Variants in RASGRF2 observed in about 807,000 individuals in gnomAD.
RASGRF2 encodes ras-specific guanine nucleotide-releasing factor 2.
A neutral mutation model predicts 151.0 loss-of-function variants in RASGRF2; 76 were observed. The ratio of observed to expected loss-of-function variants is 0.50; its 90% CI spans 0.42 to 0.61. The LOEUF (loss-of-function observed/expected upper bound fraction) is 0.61, where lower values mean the gene tolerates loss of function less well. Among genes scored for constraint, RASGRF2 ranks in the 20% least tolerant of loss-of-function variants. The probability of loss-of-function intolerance (pLI) is 0.00; values close to 1 mark genes in which losing one functional copy is unlikely to be tolerated. For synonymous variants in RASGRF2, 504 were observed against 566.5 expected, an observed-to-expected ratio of 0.89 and a Z score of 1.57; for missense variants, 1,148 against 1,564.6, an observed-to-expected ratio of 0.73 and a Z score of 4.49.
chr5:81,089,094 A>C (rs1331055312), intron 9 of RASGRF2, among the ~76,000 whole-genome samples: 1 of 152,256 alleles, frequency 6.6e-6, no homozygotes, highest in Non-Finnish European at 1.5e-5. Flanking sequence ...GAAATTAGGA[A>C]GTAATACAAT....
rs1022712085 is a variant in RASGRF2, at chr5:81,069,069, G to A, written c.543+890G>A. On this transcript the variant is annotated intron_variant, in intron 3 of 26. Transcript: ENST00000265080. ...TCATTGACAGAAACAGTTTAGGCTT[G>A]TCAGTTTTGGCAATGTTCTTGTCAT... Among the ~76,000 whole-genome samples the A allele has an allele frequency of 3.3e-4, 50 of 152,328 alleles. 1 individual carries two copies. Among genetic ancestry groups the A allele is most frequent in the African/African-American group, 1.0e-3 (42 of 41,576 alleles).
Position 81,201,384 on chromosome 5 carries a change from G to T in RASGRF2, c.2848G>T (p.Val950Phe), listed in dbSNP as rs1314094507. Residue 950 changes from valine (V) to phenylalanine (F), a missense_variant, in exon 19 of 27, where the codon GTT becomes TTT. Transcript: ENST00000265080. ...KMNVLNLLEE[V>F]LRDPDLLPQE... ...GAATGTCCTAAATTTGCTAGAAGAA[G>T]TTTTGCGAGACCCAGACCTTCTTCC... is the stretch of plus-strand genomic sequence containing the variant. 6.2e-7 allele frequency: 1 copy of T among 1,613,944 alleles called. No homozygotes were observed. Among genetic ancestry groups the T allele is most frequent in the Admixed American group, 1.7e-5 (1 of 59,966 alleles).
At chr5:81,018,801 A>G (rs1580210121) in intron 1 of RASGRF2, among the ~76,000 whole-genome samples, 1 of 123,318 alleles carries the variant, frequency 8.1e-6, no homozygotes, top group African/African-American at 3.3e-5. Flanking sequence ...GTCCATCTGC[A>G]CTTTTTTTTT....
At chr5:81,222,011 G>T (rs1755867035) in intron 26 of RASGRF2, among the ~76,000 whole-genome samples, 1 of 152,106 alleles carries the variant, frequency 6.6e-6, no homozygotes, top group South Asian at 2.1e-4. Context: ...GAAAAAAGAT[G>T]CTCTAGACTC....
chr5:80,976,152 A>G (rs1748107802), intron 1 of RASGRF2, among the ~76,000 whole-genome samples: 1 of 152,168 alleles, frequency 6.6e-6, no homozygotes, highest in African/African-American at 2.4e-5. Flanking sequence ...TAAAGCAATC[A>G]TCTTTCTGTA....
At chr5:81,069,650 T>C (rs1751714715) in intron 3 of RASGRF2, among the ~76,000 whole-genome samples, 1 of 152,252 alleles carries the variant, frequency 6.6e-6, no homozygotes, top group South Asian at 2.1e-4. Context: ...ATAATTTATT[T>C]CCTACTCCCT....
intron 1 of RASGRF2, among the ~76,000 whole-genome samples, chr5:80,964,768 G>T (rs990371384): frequency 1.3e-5 from 2 of 152,028 alleles, no homozygotes; most frequent in Admixed American, 6.6e-5. Flanking sequence ...AAAGAAAAAC[G>T]GGATTTATTT....
intron 1 of RASGRF2, among the ~76,000 whole-genome samples, chr5:81,028,716 T>A (rs1750126528): frequency 6.6e-6 from 1 of 152,192 alleles, no homozygotes; most frequent in African/African-American, 2.4e-5. Context: ...ACAGCTGCAG[T>A]CTACAGCTCC....
chr5:81,032,994 A>G (rs1347313953), intron 1 of RASGRF2, among the ~76,000 whole-genome samples: 3 of 152,190 alleles, frequency 2.0e-5, no homozygotes, highest in Non-Finnish European at 2.9e-5. Context: ...GCATTCCTAT[A>G]CACCAATAAC....
intron 1 of RASGRF2, among the ~76,000 whole-genome samples, chr5:81,019,005 G>A (rs960515853): frequency 1.3e-5 from 2 of 151,450 alleles, no homozygotes; most frequent in African/African-American, 2.4e-5. Flanking sequence ...TCGCCTTGTT[G>A]GCCAGGCTGG....
At chr5:81,101,236 C>T (rs919285763) in intron 12 of RASGRF2, among the ~76,000 whole-genome samples, 1 of 152,190 alleles carries the variant, frequency 6.6e-6, no homozygotes, top group Non-Finnish European at 1.5e-5. Context: ...TGTATACAGG[C>T]ACCACTTCTT....
chr5:81,048,864 T>C (rs1188262960), intron 2 of RASGRF2, among the ~76,000 whole-genome samples: 1 of 152,182 alleles, frequency 6.6e-6, no homozygotes, highest in African/African-American at 2.4e-5. Flanking sequence ...AAATCTCTCC[T>C]GTCTTGTAAG....
intron 18 of RASGRF2, among the ~76,000 whole-genome samples, chr5:81,186,449 G>A (rs186093507): frequency 7.9e-5 from 12 of 152,106 alleles, no homozygotes; most frequent in East Asian, 1.9e-4. Flanking sequence ...AATGATATTC[G>A]TTTCTCTCAA....
In RASGRF2 at chr5:81,216,380, CACACAA is replaced by C. The variant is rs1209502245; in HGVS notation, c.3434+431_3434+436del. 4.8e-5 allele frequency among the ~76,000 whole-genome samples: 7 copies of C among 145,684 alleles called. No individual in the cohort carries two copies. The East Asian group carries it at 1.2e-3, about 24-fold the overall frequency. On this transcript the variant is annotated intron_variant, in intron 24 of 26. Coordinates refer to ENST00000265080, the MANE Select transcript of RASGRF2 (RefSeq NM_006909.3). ...ACACACACACACACGCACACACACACACACAAACACACACACACGCAGAGAGAGAGA... is the reference window on the plus strand; with the variant it reads ...ACACACACACACACGCACACACACACACACACACACACGCAGAGAGAGAGA...
At chr5:81,131,639 G>A (rs1243989198) in intron 17 of RASGRF2, among the ~76,000 whole-genome samples, 4 of 151,338 alleles carry the variant, frequency 2.6e-5, no homozygotes, top group African/African-American at 9.7e-5. Context: ...ACAGGTGTGA[G>A]CCACTGCGCC....
chr5:80,976,175 A>G (rs951427931), intron 1 of RASGRF2, among the ~76,000 whole-genome samples: 1 of 152,184 alleles, frequency 6.6e-6, no homozygotes, highest in African/African-American at 2.4e-5. Flanking sequence ...CCTGTAGTAT[A>G]CTAACTTGTT....
chr5:81,030,722 C>T (rs1580226629), intron 1 of RASGRF2, among the ~76,000 whole-genome samples: 1 of 152,250 alleles, frequency 6.6e-6, no homozygotes, highest in South Asian at 2.1e-4. Flanking sequence ...ACCATCAATG[C>T]CAGGAAGAAA....
chr5:81,201,409 C>G lies in RASGRF2; in HGVS notation c.2873C>G (p.Pro958Arg). The G allele has an allele frequency of 1.2e-6, 2 of 1,613,818 alleles. No individual in the cohort carries two copies. Among genetic ancestry groups the G allele is most frequent in the Non-Finnish European group, 1.7e-6 (2 of 1,179,886 alleles). The change falls in exon 19 of 27, where the codon CCC becomes CGC. Residue 958 changes from proline to arginine, a missense_variant. Physicochemically the swap from Pro to Arg is moderately radical, Grantham distance 103 (BLOSUM62 -2). Transcript: ENST00000265080. ...EEVLRDPDLL[P>R]QERKAAANIL... ...GTTTTGCGAGACCCAGACCTTCTTC[C>G]CCAAGAAAGGAAAGCCGCCGCGAAT...
Position 81,223,122 on chromosome 5 carries a change from A to C in RASGRF2, c.3622-2556A>C, listed in dbSNP as rs947183002. On this transcript the variant is annotated intron_variant, in intron 26 of 26. Transcript: ENST00000265080. Reference sequence around the variant, plus strand: ...AGTTGTATCATATTCATGGATCAAAACACTTACTATTGTAAAGAGGTCCAT... The same window carrying C: ...AGTTGTATCATATTCATGGATCAAACCACTTACTATTGTAAAGAGGTCCAT... Among the ~76,000 whole-genome samples, 5 of 152,210 alleles carry C rather than the reference A, an allele frequency of 3.3e-5. No individual in the cohort carries two copies. The East Asian group carries it at 9.6e-4, about 29-fold the overall frequency.
Sources: gnomAD v4.1 joint callset for allele counts (sites outside exome capture counted in the v4.1 genomes callset) on GRCh38, gnomAD v4.1.1 for gene constraint, MANE v1.5 for transcripts, NCBI Gene and HGNC (gene_info 2026-07-23, HGNC 2026-07-21) for gene names.